The following TCF4 variants were observed in gnomAD, a reference collection of about 807,000 sequenced individuals.
TCF4 encodes the protein transcription factor 4, also known as SL3-3 enhancer factor 2.
In TCF4, 3 loss-of-function variants were observed where a neutral mutation model predicts 82.1. The observed-to-expected ratio is 0.04, with a 90% CI of 0.02 to 0.09. The LOEUF is 0.09. Ranked by LOEUF, TCF4 falls within the 10% of genes least tolerant of loss-of-function variation. The pLI, the probability that TCF4 is intolerant of heterozygous loss-of-function variation, is 1.00. For missense variants in TCF4, 518 were observed against 852.7 expected, an observed-to-expected ratio of 0.61 and a Z score of 4.89; for synonymous variants, 276 against 309.6, an observed-to-expected ratio of 0.89 and a Z score of 1.14.
chr18:55,557,038 CT>C (rs1342625832), intron 3 of TCF4, among the ~76,000 whole-genome samples: 1 of 152,300 alleles, frequency 6.6e-6, no homozygotes, highest in East Asian at 1.9e-4. Context: ...TCTGCTTTTG[CT>C]ATACCCATCT....
At chr18:55,388,949 C>G (rs907708953) in intron 6 of TCF4, among the ~76,000 whole-genome samples, 1 of 151,850 alleles carries the variant, frequency 6.6e-6, no homozygotes, top group African/African-American at 2.4e-5. Context: ...CGGTGAAACC[C>G]CATCTCTACT....
intron 8 of TCF4, among the ~76,000 whole-genome samples, chr18:55,301,787 G>GAAAA (rs2068359843): frequency 2.1e-4 from 1 of 4,724 alleles, no homozygotes; most frequent in Non-Finnish European, 3.9e-4. Context: ...ACCAAAAACT[G>GAAAA]TAAAAAAAAA....
At chr18:55,617,163 T>C (rs539673013) in intron 2 of TCF4, among the ~76,000 whole-genome samples, 1 of 152,150 alleles carries the variant, frequency 6.6e-6, no homozygotes, top group Non-Finnish European at 1.5e-5. Flanking sequence ...TGTGGGTATA[T>C]GCAGTTTTCT....
intron 8 of TCF4, among the ~76,000 whole-genome samples, chr18:55,320,191 A>T (rs1033917630): frequency 5.1e-5 from 7 of 138,380 alleles, no homozygotes; most frequent in Non-Finnish European, 9.4e-5. Flanking sequence ...TGTACTTGTT[A>T]AAAAAAAAAA....
chr18:55,370,438 T>TAGAC (rs1433609780), intron 6 of TCF4, among the ~76,000 whole-genome samples: 5 of 147,196 alleles, frequency 3.4e-5, no homozygotes, highest in African/African-American at 5.1e-5. Context: ...GATAGATAGA[T>TAGAC]AGATAGATAG....
intron 6 of TCF4, among the ~76,000 whole-genome samples, chr18:55,371,977 A>G (rs1294525137): frequency 6.6e-6 from 1 of 152,206 alleles, no homozygotes; most frequent in African/African-American, 2.4e-5. Flanking sequence ...ATAACCTCTC[A>G]GTTTTCTAAT....
chr18:55,540,149 G>A (rs2097153393), intron 3 of TCF4, among the ~76,000 whole-genome samples: 2 of 151,702 alleles, frequency 1.3e-5, no homozygotes. Context: ...AAACAGAGGA[G>A]GAGTAAGGAA....
intron 8 of TCF4, among the ~76,000 whole-genome samples, chr18:55,310,700 T>C (rs1461950050): frequency 6.6e-6 from 1 of 152,246 alleles, no homozygotes; most frequent in African/African-American, 2.4e-5. Context: ...TAAATTTTAA[T>C]CTTTTCTTGA....
chr18:55,577,501 T>C (rs1416557096), intron 3 of TCF4, among the ~76,000 whole-genome samples: 2 of 152,056 alleles, frequency 1.3e-5, no homozygotes, highest in East Asian at 3.8e-4. Flanking sequence ...ATAAAAGCAA[T>C]TACTGACAAG....
chr18:55,466,673 T>C (rs1231818538), intron 3 of TCF4, among the ~76,000 whole-genome samples: 2 of 152,190 alleles, frequency 1.3e-5, no homozygotes, highest in Non-Finnish European at 2.9e-5. Context: ...CACTTTAAGC[T>C]AGACTTGAGC....
At chr18:55,452,725 C>T (rs1420564337) in intron 5 of TCF4, 1 of 152,310 alleles carries the variant, frequency 6.6e-6, no homozygotes. Context: ...GGAGAGCTGG[C>T]TTTGGCTGGT....
At chr18:55,337,033 G>A (rs907012134) in intron 8 of TCF4, among the ~76,000 whole-genome samples, 1 of 152,016 alleles carries the variant, frequency 6.6e-6, no homozygotes, top group Non-Finnish European at 1.5e-5. Flanking sequence ...GAAAAATGAA[G>A]TTTTTTAGAA....
intron 3 of TCF4, among the ~76,000 whole-genome samples, chr18:55,473,421 C>T (rs2096228500): frequency 6.6e-6 from 1 of 152,130 alleles, no homozygotes; most frequent in Non-Finnish European, 1.5e-5. Context: ...ATTTCCTATT[C>T]CAGATGCTTG....
intron 3 of TCF4, among the ~76,000 whole-genome samples, chr18:55,562,960 C>T (rs1315541630): frequency 6.6e-6 from 1 of 152,032 alleles, no homozygotes; most frequent in African/African-American, 2.4e-5. Context: ...ATGCTTTGGG[C>T]CAGACACAGT....
intron 4 of TCF4, among the ~76,000 whole-genome samples, chr18:55,462,516 A>C (rs1248558911): frequency 6.6e-6 from 1 of 152,200 alleles, no homozygotes; most frequent in Non-Finnish European, 1.5e-5. Context: ...TAAATTACAC[A>C]AAATTGGTTT....
intron 2 of TCF4, among the ~76,000 whole-genome samples, chr18:55,617,854 C>A (rs1480287904): frequency 1.9e-5 from 2 of 105,316 alleles, no homozygotes; most frequent in Non-Finnish European, 4.0e-5. Context: ...TGTGTGTAGT[C>A]TTTAGAGTTT....
chr18:55,635,215 T>C (rs1490039326), intron 1 of TCF4, among the ~76,000 whole-genome samples: 1 of 152,040 alleles, frequency 6.6e-6, no homozygotes, highest in Non-Finnish European at 1.5e-5. Flanking sequence ...AGCAAGAATC[T>C]CAAGAAGGCA....
intron 6 of TCF4, among the ~76,000 whole-genome samples, chr18:55,378,630 C>A (rs1459497979): frequency 6.6e-6 from 1 of 152,182 alleles, no homozygotes; most frequent in East Asian, 1.9e-4. Flanking sequence ...CTCCCCTACC[C>A]AAGGCATCCA....
intron 6 of TCF4, among the ~76,000 whole-genome samples, chr18:55,403,022 CACA>C (rs1263140622): frequency 2.0e-5 from 3 of 152,138 alleles, no homozygotes; most frequent in African/African-American, 4.8e-5. Flanking sequence ...CCTGTTTTCA[CACA>C]ACATCATACA....
Sources: gnomAD v4.1 joint callset for allele counts (sites outside exome capture counted in the v4.1 genomes callset) on GRCh38, gnomAD v4.1.1 for gene constraint, MANE v1.5 for transcripts, NCBI Gene and HGNC (gene_info 2026-07-23, HGNC 2026-07-21) for gene names.